Variants in SNTG1 observed in about 807,000 individuals in gnomAD.
SNTG1 encodes gamma-1-syntrophin.
A neutral mutation model predicts 74.7 loss-of-function variants in SNTG1; 39 were observed. The ratio of observed to expected loss-of-function variants is 0.52; its 90% CI spans 0.40 to 0.68. The LOEUF (loss-of-function observed/expected upper bound fraction) is 0.68. Among genes scored for constraint, SNTG1 ranks in the 30% least tolerant of loss-of-function variants. The probability of loss-of-function intolerance (pLI) is 0.00; values close to 1 mark genes in which losing one functional copy is unlikely to be tolerated. For missense variants in SNTG1, 685 were observed against 609.5 expected, an observed-to-expected ratio of 1.12 and a Z score of -1.30; for synonymous variants, 254 against 217.1, an observed-to-expected ratio of 1.17 and a Z score of -1.49.
intron 2 of SNTG1, among the ~76,000 whole-genome samples, chr8:50,241,116 CT>C (rs1261334597): frequency 6.6e-6 from 1 of 152,236 alleles, no homozygotes; most frequent in East Asian, 1.9e-4. Flanking sequence ...TGGGTTAAGG[CT>C]AGTGGTAGAG....
At chr8:50,097,247 A>T (rs9693450) in intron 1 of SNTG1, among the ~76,000 whole-genome samples, 2 of 152,132 alleles carry the variant, frequency 1.3e-5, no homozygotes, top group African/African-American at 4.8e-5. Flanking sequence ...AAAACTTTTT[A>T]AAATTGCTGA....
chr8:50,593,937 C>G (rs1382616248), intron 13 of SNTG1, among the ~76,000 whole-genome samples: 3 of 152,072 alleles, frequency 2.0e-5, no homozygotes, highest in Non-Finnish European at 2.9e-5. Flanking sequence ...AGCCTGGTCT[C>G]AAACTCCCGA....
intron 18 of SNTG1, among the ~76,000 whole-genome samples, chr8:50,766,173 C>T (rs1354403063): frequency 6.6e-6 from 1 of 151,946 alleles, no homozygotes; most frequent in Non-Finnish European, 1.5e-5. Context: ...CATTAGTTAC[C>T]ATTCAATAGA....
chr8:50,275,619 C>T lies in SNTG1; in HGVS notation c.-28+102984C>T, dbSNP rs115049448. Among the ~76,000 whole-genome samples the T allele has an allele frequency of 5.3e-3, 801 of 152,246 alleles. 17 individuals are homozygous for T. Among genetic ancestry groups the T allele is most frequent in the African/African-American group, 0.018 (765 of 41,532 alleles). ...CTCTATTCTTCACCATTAGAAATTG[C>T]GGTGCTGGAGGTAGAACCCATGAAT... On this transcript the variant is annotated intron_variant, in intron 2 of 18. Coordinates refer to ENST00000642720, the MANE Select transcript of SNTG1 (RefSeq NM_018967.5).
intron 1 of SNTG1, among the ~76,000 whole-genome samples, chr8:50,088,110 C>A (rs1823085052): frequency 6.6e-6 from 1 of 150,838 alleles, no homozygotes; most frequent in Admixed American, 6.6e-5. Context: ...AGGACACGAA[C>A]TCATCATTTT....
chr8:49,932,000 T>C (rs1472222225), intron 1 of SNTG1, among the ~76,000 whole-genome samples: 1 of 152,172 alleles, frequency 6.6e-6, no homozygotes, highest in Admixed American at 6.6e-5. Context: ...AGTATACATA[T>C]ATATTTTATG....
chr8:49,952,536 G>A (rs1809815965), intron 1 of SNTG1, among the ~76,000 whole-genome samples: 1 of 152,188 alleles, frequency 6.6e-6, no homozygotes, highest in Non-Finnish European at 1.5e-5. Flanking sequence ...TGCTAGCATA[G>A]AATAGGTTAG....
At chr8:50,204,808 C>G (rs1034240127) in intron 2 of SNTG1, among the ~76,000 whole-genome samples, 8 of 151,934 alleles carry the variant, frequency 5.3e-5, no homozygotes, top group African/African-American at 2.4e-5. Context: ...CTATGAGTGA[C>G]AACATGCGGT....
chr8:50,338,604 C>A (rs1332265933), intron 2 of SNTG1, among the ~76,000 whole-genome samples: 1 of 151,854 alleles, frequency 6.6e-6, no homozygotes. Flanking sequence ...AAAGAAAATG[C>A]TAAAAATCAA....
chr8:50,750,883 A>G (rs572684711), intron 17 of SNTG1, among the ~76,000 whole-genome samples: 2 of 151,950 alleles, frequency 1.3e-5, no homozygotes, highest in Non-Finnish European at 2.9e-5. Context: ...AAAATCCACA[A>G]AAGCCCTGAG....
At chr8:50,130,843 T>A (rs1284133659) in intron 1 of SNTG1, among the ~76,000 whole-genome samples, 1 of 152,004 alleles carries the variant, frequency 6.6e-6, no homozygotes, top group Non-Finnish European at 1.5e-5. Context: ...GTATGGGAGC[T>A]CCACATTATT....
At position 50,390,103 on chromosome 8, in the gene SNTG1, C is replaced by T. The variant is rs1454511168; in HGVS notation, c.-27-4109C>T. ...TTTACTTTAATTAGATCCCATTTGT[C>T]AATTTTGGCTTTTGTTGCCATTGCT... On this transcript the variant is annotated intron_variant, in intron 2 of 18. Coordinates refer to ENST00000642720, the MANE Select transcript of SNTG1 (RefSeq NM_018967.5). Among the ~76,000 whole-genome samples, 3 of 151,194 alleles carry T rather than the reference C, an allele frequency of 2.0e-5. No homozygotes were observed. In the East Asian group the frequency reaches 5.8e-4, roughly 29 times the overall value.
At chr8:50,289,588 C>T (rs1187079672) in intron 2 of SNTG1, among the ~76,000 whole-genome samples, 1 of 152,170 alleles carries the variant, frequency 6.6e-6, no homozygotes, top group African/African-American at 2.4e-5. Context: ...ATTACAGAAT[C>T]CTGAGCCGTT....
chr8:50,510,146 G>A (rs2094054306), intron 9 of SNTG1, among the ~76,000 whole-genome samples: 1 of 152,102 alleles, frequency 6.6e-6, no homozygotes, highest in Non-Finnish European at 1.5e-5. Context: ...TTTTGTCAAA[G>A]GCCTTTTTTG....
At chr8:50,638,731 C>T (rs1387136868) in intron 13 of SNTG1, among the ~76,000 whole-genome samples, 5 of 152,034 alleles carry the variant, frequency 3.3e-5, no homozygotes, top group African/African-American at 1.2e-4. Flanking sequence ...ACATTCTTTC[C>T]AACAGAAGAA....
intron 4 of SNTG1, among the ~76,000 whole-genome samples, chr8:50,435,353 G>T (rs376211604): frequency 1.3e-5 from 2 of 152,160 alleles, no homozygotes; most frequent in East Asian, 1.9e-4. Context: ...ACGGTGCTTT[G>T]TTACCTGGCA....
At chr8:50,762,207 C>T (rs1325334149) in intron 18 of SNTG1, among the ~76,000 whole-genome samples, 2 of 151,910 alleles carry the variant, frequency 1.3e-5, no homozygotes, top group African/African-American at 4.8e-5. Flanking sequence ...TGGTACTCAG[C>T]GTCTTTGTGA....
intron 2 of SNTG1, among the ~76,000 whole-genome samples, chr8:50,208,931 G>A (rs2084377759): frequency 6.6e-6 from 1 of 152,178 alleles, no homozygotes; most frequent in Non-Finnish European, 1.5e-5. Flanking sequence ...AGCAGGGCAG[G>A]GCATCGCCTC....
intron 2 of SNTG1, among the ~76,000 whole-genome samples, chr8:50,281,014 A>G (rs117886340): frequency 0.06 from 9,023 of 151,086 alleles, 306 homozygotes; most frequent in South Asian, 0.076. Context: ...AAAGAAAGAA[A>G]GAAAGAAAAA....
Sources: gnomAD v4.1 joint callset for allele counts (sites outside exome capture counted in the v4.1 genomes callset) on GRCh38, gnomAD v4.1.1 for gene constraint, MANE v1.5 for transcripts, NCBI Gene and HGNC (gene_info 2026-07-23, HGNC 2026-07-21) for gene names.